The following NME6 variants were observed in gnomAD, a reference collection of about 807,000 sequenced individuals.
The protein encoded by NME6 is NME/NM23 nucleoside diphosphate kinase 6, also known as nucleoside diphosphate kinase 6, mitochondrial.
Under a neutral mutation model 22.2 loss-of-function variants are expected in NME6, and 16 were observed. The ratio of observed to expected loss-of-function variants is 0.72; its 90% CI spans 0.49 to 1.09. NME6 has a LOEUF of 1.09. NME6 is among the 50% of genes least tolerant of loss of function. NME6 has a pLI of 0.00. For missense variants in NME6, 229 were observed against 239.0 expected (o/e 0.96, Z 0.28); for synonymous variants, 58 against 85.2 (o/e 0.68, Z 1.76).
intron 4 of NME6, 91 bp from the exon 5 acceptor site, chr3:48,295,326 G>C: frequency 7.3e-7 from 1 of 1,372,862 alleles, no homozygotes; most frequent in Non-Finnish European, 9.8e-7. Context: ...CACACTCTAC[G>C]TTCTGAGAGT....
Position 48,292,710 on chromosome 3 carries a change from TG to T in NME6, c.*1926del, listed in dbSNP as rs1257013920. On this transcript the variant is annotated 3_prime_UTR_variant, in exon 6 of 6. Transcript: ENST00000442597. ...GATTACAGGCTCGCGCCACCACGCT[TG>T]GCTAATTTTTGTATTTTTAGTAGAG... 2 of 152,152 alleles carry T rather than the reference TG, an allele frequency of 1.3e-5. No individual in the cohort carries two copies. Among genetic ancestry groups the T allele is most frequent in the African/African-American group, 4.8e-5 (2 of 41,500 alleles). 9.4% of individuals were successfully genotyped at this position (152,152 alleles called of 1,614,324 possible).
intron 4 of NME6, 159 bp from the exon 5 acceptor site, chr3:48,295,394 T>G (rs2034979799): frequency 1.3e-6 from 1 of 775,524 alleles, no homozygotes; most frequent in Non-Finnish European, 2.0e-6. Context: ...GCAGGGCCCC[T>G]GCTGGTGTAC....
downstream of NME6, among the ~76,000 whole-genome samples, chr3:48,290,364 A>C (rs2034372383): frequency 6.6e-6 from 1 of 152,192 alleles, no homozygotes; most frequent in Non-Finnish European, 1.5e-5. Flanking sequence ...TAATTGTATA[A>C]ATTTATGGGT....
intron 4 of NME6, chr3:48,295,547 A>G (rs1210899238): frequency 3.1e-6 from 1 of 325,964 alleles, no homozygotes; most frequent in East Asian, 5.8e-5. Context: ...CATTGTTTAC[A>G]ACTTTATTTT....
chr3:48,300,260 T>G, intron 1 of NME6: 1 of 456,796 alleles, frequency 2.2e-6, no homozygotes, highest in South Asian at 1.5e-5. Context: ...TGCATGATCT[T>G]GTGGTTCCCC....
At chr3:48,300,750 A>G (rs566560895) in intron 1 of NME6, 2 of 180,880 alleles carry the variant, frequency 1.1e-5, no homozygotes, top group South Asian at 2.1e-4. Context: ...TGACTCCATG[A>G]GAATTAAAAA....
At chr3:48,297,929 A>T (rs1281460146) in intron 2 of NME6, 3 of 167,654 alleles carry the variant, frequency 1.8e-5, no homozygotes, top group African/African-American at 7.2e-5. Context: ...CAACAGGGAA[A>T]TGGCAGCCTC....
chr3:48,300,526 C>A (rs1047047829), intron 1 of NME6: 1 of 361,944 alleles, frequency 2.8e-6, no homozygotes, highest in African/African-American at 2.1e-5. Flanking sequence ...GTAAGCAGTA[C>A]CTAGCACACA....
At chr3:48,296,077 T>C in intron 4 of NME6, 42 bp downstream of exon 4, 1 of 1,271,892 alleles carries the variant, frequency 7.9e-7, no homozygotes. Context: ...CAGGGGAGAT[T>C]AGCCTCAGTG....
Position 48,294,779 on chromosome 3 carries a change from T to C in NME6, c.419A>G (p.Glu140Gly). The C allele has an allele frequency of 6.2e-7, 1 of 1,614,024 alleles. No homozygotes were observed. The highest frequency in any genetic ancestry group is 8.5e-7 in the Non-Finnish European group (1 of 1,179,970). Residue 140 changes from glutamate (E) to glycine (G), a missense_variant, in exon 6 of 6, where the codon GAG becomes GGG. Glu to Gly is a moderately conservative substitution (Grantham distance 98). Coordinates refer to ENST00000442597, the MANE Select transcript of NME6 (RefSeq NM_001308426.2). ...GAAGTCAGGGAAGAAGGCTGCAATC[T>C]CTCTGCTGGCTGAAACCACAGAGTC... is the stretch of plus-strand genomic sequence containing the variant. The part of the protein sequence containing the change: ...GSDSVVSASR[E>G]IAAFFPDFSE...
At chr3:48,288,641 A>G (rs985823983), downstream of NME6, 7 of 152,050 alleles carry the variant, frequency 4.6e-5, no homozygotes, top group African/African-American at 1.7e-4. Flanking sequence ...TTACAGGTTG[A>G]ATGCCTTGTT....
chr3:48,300,235 C>T (rs564243945), intron 1 of NME6: 45 of 456,712 alleles, frequency 9.9e-5, no homozygotes, highest in African/African-American at 4.0e-4. Flanking sequence ...ATCCTTATCA[C>T]GGCCTCCCAG....
At position 48,293,057 on chromosome 3, in the gene NME6, CTG is replaced by C. The variant is rs1361835847; in HGVS notation, c.*1578_*1579del. ...AGCAGTAGTCTCTGCCCAAGTAATCCTGTGTTTTCTGCCAGCATTCATGAAGC... is the reference window on the plus strand; with the variant it reads ...AGCAGTAGTCTCTGCCCAAGTAATCCTGTTTTCTGCCAGCATTCATGAAGC... On this transcript the variant is annotated 3_prime_UTR_variant, in exon 6 of 6. Transcript: ENST00000442597. 13 of 152,196 alleles carry C rather than the reference CTG, an allele frequency of 8.5e-5. No individual in the cohort carries two copies. The highest frequency in any genetic ancestry group is 1.3e-4 in the Admixed American group (2 of 15,280). The allele number at this position is 152,196 out of a possible 1,614,324, so 9.4% of individuals were successfully genotyped here.
downstream of NME6, among the ~76,000 whole-genome samples, chr3:48,289,330 A>C (rs145060409): frequency 0.044 from 6,627 of 152,138 alleles, 484 homozygotes; most frequent in African/African-American, 0.15. Flanking sequence ...CGGCCTCCCA[A>C]AGTGCCAGGA....
chr3:48,300,022 C>T (rs2107019433), intron 1 of NME6, among the ~76,000 whole-genome samples: 1 of 152,344 alleles, frequency 6.6e-6, no homozygotes, highest in South Asian at 2.1e-4. Context: ...CTCCCATCCT[C>T]AACTGCTACC....
chr3:48,296,786 C>T lies in NME6; in HGVS notation c.134G>A (p.Arg45Gln), dbSNP rs368361118. ...QILSNKFLIV[R>Q]MRELLWRKED... ...CTTTCTCCACAGTAGTTCTCTCATT[C>T]GTACAATCAGGAACTTGTTGCTTAG... is the stretch of plus-strand genomic sequence containing the variant. The change falls in exon 3 of 6, where the codon CGA becomes CAA. Residue 45 changes from arginine to glutamine, a missense_variant. Transcript: ENST00000442597. 91 of 1,613,638 alleles carry T rather than the reference C, an allele frequency of 5.6e-5. No individual in the cohort carries two copies. Among genetic ancestry groups the T allele is most frequent in the African/African-American group, 5.5e-4 (41 of 74,876 alleles).
rs751518004 is a variant in NME6 at position 48,298,420 on chromosome 3, T to A, written c.90+7A>T. 7 of 1,613,254 alleles carry A rather than the reference T, an allele frequency of 4.3e-6. No individual in the cohort carries two copies. Among genetic ancestry groups the A allele is most frequent in the Non-Finnish European group, 5.9e-6 (7 of 1,179,310 alleles). On this transcript the variant is annotated splice_region_variant and intron_variant, in intron 2 of 5. Transcript: ENST00000442597. ...GCATGCGGTAGAGACTTAGGATTCA[T>A]TCTTACCTCCAGAATCAGTGGATGG...
At chr3:48,300,717 G>A (rs2035603346) in intron 1 of NME6, 1 of 210,502 alleles carries the variant, frequency 4.8e-6, no homozygotes, top group South Asian at 6.6e-5. Flanking sequence ...CTGACAAGTC[G>A]AGAATCCTGT....
At chr3:48,292,124 G>C (rs2034554540), downstream of NME6, 1 of 152,198 alleles carries the variant, frequency 6.6e-6, no homozygotes, top group Admixed American at 6.5e-5. Context: ...TTGGGGGTTA[G>C]GGCTTCAACA....
Sources: gnomAD v4.1 joint callset for allele counts (sites outside exome capture counted in the v4.1 genomes callset) on GRCh38, gnomAD v4.1.1 for gene constraint, MANE v1.5 for transcripts, NCBI Gene and HGNC (gene_info 2026-07-23, HGNC 2026-07-21) for gene names.